The following DST variants were observed in gnomAD, a reference collection of about 807,000 sequenced individuals.
DST encodes bullous pemphigoid antigen.
A neutral mutation model predicts 875.2 loss-of-function variants in DST; 253 were observed. The ratio of observed to expected loss-of-function variants is 0.29; its 90% confidence interval spans 0.26 to 0.32. The LOEUF is 0.32. Ranked by LOEUF, DST falls within the 10% of genes least tolerant of loss-of-function variation. The probability of loss-of-function intolerance (pLI) is 1.00; values close to 1 mark genes in which losing one functional copy is unlikely to be tolerated. For synonymous variants in DST, 3,124 were observed against 3,197.1 expected (o/e 0.98, Z 0.77); for missense variants, 8,287 against 9,111.6 (o/e 0.91, Z 3.68).
At chr6:56,951,641 A>C (rs1214753485) in intron 2 of DST, among the ~76,000 whole-genome samples, 5 of 152,192 alleles carry the variant, frequency 3.3e-5, no homozygotes, top group African/African-American at 9.6e-5. Flanking sequence ...CTTTTGCAAC[A>C]CAGTCCCATA....
chr6:56,636,752 T>G, intron 22 of DST, 100 bp from the exon 23 acceptor site: 1 of 977,516 alleles, frequency 1.0e-6, no homozygotes, highest in Non-Finnish European at 1.6e-6. Context: ...ACTATCTAAA[T>G]AGATGACCAA....
At chr6:56,938,309 A>AT (rs1353066671) in intron 2 of DST, among the ~76,000 whole-genome samples, 1 of 151,708 alleles carries the variant, frequency 6.6e-6, no homozygotes, top group Non-Finnish European at 1.5e-5. Flanking sequence ...TAATTTTTTT[A>AT]TTTTTTGTTT....
At chr6:56,698,572 G>A (rs1194322530) in intron 9 of DST, among the ~76,000 whole-genome samples, 2 of 152,052 alleles carry the variant, frequency 1.3e-5, no homozygotes, top group Non-Finnish European at 1.5e-5. Context: ...TGATCCACTC[G>A]CCTCAGCCTC....
At chr6:56,509,948 A>G in intron 73 of DST, 75 bp from the exon 74 acceptor site, 1 of 1,168,682 alleles carries the variant, frequency 8.6e-7, no homozygotes, top group Non-Finnish European at 1.2e-6. Flanking sequence ...ATGAAAAAAC[A>G]TTTTTTACAA....
chr6:56,596,786 G>A (rs1312082552), intron 47 of DST, among the ~76,000 whole-genome samples: 1 of 152,140 alleles, frequency 6.6e-6, no homozygotes, highest in Non-Finnish European at 1.5e-5. Flanking sequence ...TAAAATGAGT[G>A]ACACTTTAAA....
intron 4 of DST, chr6:56,742,544 T>C (rs768274761): frequency 3.3e-4 from 98 of 298,098 alleles, no homozygotes; most frequent in Non-Finnish European, 6.2e-4. Flanking sequence ...TATATACAAC[T>C]GTTACTAAAA....
At chr6:56,822,769 T>C (rs1484405343) in intron 4 of DST, among the ~76,000 whole-genome samples, 2 of 151,984 alleles carry the variant, frequency 1.3e-5, no homozygotes, top group Non-Finnish European at 2.9e-5. Flanking sequence ...TCTAGAACTA[T>C]ATACAGCCAC....
At chr6:56,842,901 TA>T (rs1404284233) in intron 4 of DST, among the ~76,000 whole-genome samples, 1 of 152,138 alleles carries the variant, frequency 6.6e-6, no homozygotes, top group Non-Finnish European at 1.5e-5. Context: ...CTGGGGGTAC[TA>T]AATCCCGTGC....
chr6:56,485,527 C>T, intron 87 of DST, 56 bp from the exon 88 acceptor site: 19 of 1,529,350 alleles, frequency 1.2e-5, no homozygotes, highest in Non-Finnish European at 1.6e-5. Context: ...ACTCATATAT[C>T]TGAACATCTA....
intron 2 of DST, among the ~76,000 whole-genome samples, chr6:56,926,731 T>C (rs1383715580): frequency 2.0e-5 from 3 of 150,868 alleles, no homozygotes; most frequent in African/African-American, 7.4e-5. Flanking sequence ...GACTGAAGGC[T>C]CTCTAAGGTT....
At chr6:56,704,736 C>T (rs921286108) in intron 5 of DST, among the ~76,000 whole-genome samples, 7 of 152,128 alleles carry the variant, frequency 4.6e-5, no homozygotes, top group Admixed American at 3.9e-4. Flanking sequence ...AGTTTTCACC[C>T]CCGCAGTTGA....
chr6:56,485,512 AC>A (rs762970855), intron 87 of DST, 41 bp from the exon 88 acceptor site: 128 of 1,585,562 alleles, frequency 8.1e-5, no homozygotes, highest in Non-Finnish European at 1.1e-4. Context: ...GCAACAAAAA[AC>A]GTCACTCATA....
intron 88 of DST, 88 bp from the exon 89 acceptor site, chr6:56,482,965 C>A: frequency 2.0e-6 from 2 of 980,872 alleles, no homozygotes; most frequent in South Asian, 3.0e-5. Flanking sequence ...GTGCACATAA[C>A]ATCATGTAAA....
chr6:56,642,934 C>A, intron 15 of DST: 1 of 1,494,458 alleles, frequency 6.7e-7, no homozygotes, highest in Non-Finnish European at 8.9e-7. Context: ...CTTCAACATG[C>A]ATATGCAACA....
At chr6:56,915,544 G>A (rs868637866) in intron 2 of DST, among the ~76,000 whole-genome samples, 6 of 152,194 alleles carry the variant, frequency 3.9e-5, no homozygotes, top group South Asian at 2.1e-4. Context: ...CACAAAATAC[G>A]GGGGTGGAGA....
Position 56,527,753 on chromosome 6 carries a change from G to A in DST, c.17681-19C>T, listed in dbSNP as rs777006137. 1.2e-4 allele frequency: 194 copies of A among 1,576,050 alleles called. No homozygotes were observed. In the South Asian group the frequency reaches 1.3e-3, roughly 11 times the overall value. On this transcript the variant is annotated intron_variant, in intron 67 of 103. Coordinates refer to ENST00000680361, the MANE Select transcript of DST (RefSeq NM_001374736.1). ...TCATCACCTAAAATTTCAAAGTCAC[G>A]TTATTTCTTATGAAGGAAAAAAAAG...
chr6:56,733,196 C>G (rs13198399), intron 5 of DST, among the ~76,000 whole-genome samples: 20,338 of 152,118 alleles, frequency 0.13, 1,615 homozygotes, highest in Middle Eastern at 0.2. Flanking sequence ...AGGATTACCA[C>G]AGGTAAGCCA....
chr6:56,526,704 G>A lies in DST; in HGVS notation c.17923-137C>T, dbSNP rs908876787. The A allele has an allele frequency of 7.4e-5, 52 of 705,568 alleles. No homozygotes were observed. The South Asian group carries it at 1.2e-3, about 16-fold the overall frequency. The allele number at this position is 705,568 out of a possible 1,614,324, so 43.7% of individuals were successfully genotyped here. On this transcript the variant is annotated intron_variant, in intron 68 of 103. Transcript: ENST00000680361. The stretch of plus-strand genomic sequence containing the variant: ...CTCCCCCCCTCCCTTAGTTTCAGTC[G>A]AGTTAAATAAACCTTTTTTATCTAA...
chr6:56,480,642 T>C (rs898033561), intron 90 of DST, among the ~76,000 whole-genome samples: 3 of 152,252 alleles, frequency 2.0e-5, no homozygotes, highest in Non-Finnish European at 4.4e-5. Context: ...ATAGTGTTAC[T>C]GCAAAATATT....
Sources: allele counts gnomAD v4.1 joint callset (sites outside exome capture counted in the v4.1 genomes callset), GRCh38; gene constraint gnomAD v4.1.1; transcripts MANE v1.5; gene names NCBI Gene and HGNC (gene_info 2026-07-23, HGNC 2026-07-21).